Variants in GTF3C2 observed in about 807,000 individuals in gnomAD.
The protein encoded by GTF3C2 is general transcription factor 3C polypeptide 2.
A neutral mutation model predicts 117.4 loss-of-function variants in GTF3C2; 17 were observed. The observed-to-expected ratio is 0.14, with a 90% CI of 0.10 to 0.22. The LOEUF (loss-of-function observed/expected upper bound fraction) is 0.22. Ranked by LOEUF, GTF3C2 falls within the 10% of genes least tolerant of loss-of-function variation. The pLI, the probability that GTF3C2 is intolerant of heterozygous loss-of-function variation, is 1.00. For synonymous variants in GTF3C2, 437 were observed against 427.0 expected (o/e 1.02, Z -0.29); for missense variants, 888 against 1,143.6 (o/e 0.78, Z 3.22).
At chr2:27,333,393 G>C (rs1460393888) in intron 12 of GTF3C2, among the ~76,000 whole-genome samples, 1 of 151,978 alleles carries the variant, frequency 6.6e-6, no homozygotes, top group African/African-American at 2.4e-5. Context: ...GACCTCAAGA[G>C]ATCTGCCTGC....
exon 4 of GTF3C2, chr2:27,342,192 G>C (rs1680761763): frequency 1.2e-6 from 2 of 1,613,690 alleles, no homozygotes; most frequent in South Asian, 1.1e-5. Context: ...AGGCAGGGCT[G>C]TTGAGAGCTC....
chr2:27,339,312 C>T (rs1014157603), intron 4 of GTF3C2, among the ~76,000 whole-genome samples: 4 of 147,132 alleles, frequency 2.7e-5, no homozygotes, highest in South Asian at 2.2e-4. Context: ...GAGGCTGAGG[C>T]GGGAGCATTG....
intron 17 of GTF3C2, among the ~76,000 whole-genome samples, 153 bp downstream of exon 17, chr2:27,327,884 C>T (rs764443146): frequency 3.9e-5 from 6 of 152,188 alleles, no homozygotes; most frequent in African/African-American, 9.6e-5. Flanking sequence ...CCTAATCCCC[C>T]CAAACTGCTG....
At position 27,341,812 on chromosome 2, in the gene GTF3C2, A is replaced by C. The variant is rs1316458789; in HGVS notation, c.855+136T>G. 4 of 703,262 alleles carry C rather than the reference A, an allele frequency of 5.7e-6. No homozygotes were observed. In the African/African-American group the frequency reaches 7.1e-5, roughly 13 times the overall value. The allele number at this position is 703,262 out of a possible 1,614,324, so 43.6% of individuals were successfully genotyped here. A position where few individuals can be genotyped will look rare whatever the true frequency, so the allele number is the denominator to read the frequency against. On this transcript the variant is annotated intron_variant, in intron 4 of 18. Transcript: ENST00000264720. ...CTCCCTAATATGCCAAATGTTTTGG[A>C]AATGGACCCTTTTTTCTTTAACCTG...
exon 3 of GTF3C2, chr2:27,342,890 T>C: frequency 6.2e-7 from 1 of 1,614,122 alleles, no homozygotes; most frequent in East Asian, 2.2e-5. Context: ...GGGGGCCTCT[T>C]TGGAGATTGA....
At chr2:27,354,240 G>A (rs1681245081) in intron 1 of GTF3C2, among the ~76,000 whole-genome samples, 1 of 152,008 alleles carries the variant, frequency 6.6e-6, no homozygotes, top group African/African-American at 2.4e-5. Flanking sequence ...CTGTGATCAT[G>A]CCACTCGACT....
At chr2:27,338,836 C>T (rs1026520575) in intron 4 of GTF3C2, among the ~76,000 whole-genome samples, 1 of 151,482 alleles carries the variant, frequency 6.6e-6, no homozygotes, top group African/African-American at 2.4e-5. Context: ...CCACACCTGG[C>T]CTTCTTTAAA....
At chr2:27,346,782 A>T (rs1680932330) in intron 1 of GTF3C2, among the ~76,000 whole-genome samples, 1 of 151,868 alleles carries the variant, frequency 6.6e-6, no homozygotes, top group Admixed American at 6.6e-5. Flanking sequence ...GCAGCCACTA[A>T]CTCCTGGGTT....
At chr2:27,327,059 A>G (rs1680099804) in intron 18 of GTF3C2, 118 bp downstream of exon 18, 8 of 682,084 alleles carry the variant, frequency 1.2e-5, no homozygotes, top group Non-Finnish European at 2.0e-5. Flanking sequence ...TACGTCTGTC[A>G]TGCTCTGGAG....
At chr2:27,351,923 T>G (rs1228985427) in intron 1 of GTF3C2, among the ~76,000 whole-genome samples, 2 of 152,212 alleles carry the variant, frequency 1.3e-5, no homozygotes, top group Non-Finnish European at 2.9e-5. Flanking sequence ...AACATTCAGC[T>G]AAACCGCAGC....
At chr2:27,344,853 T>C (rs1201328847) in intron 1 of GTF3C2, among the ~76,000 whole-genome samples, 1 of 151,936 alleles carries the variant, frequency 6.6e-6, no homozygotes, top group Non-Finnish European at 1.5e-5. Flanking sequence ...GGCATGGTGG[T>C]GCGCACCTGT....
At chr2:27,347,185 T>C (rs1680947300) in intron 1 of GTF3C2, among the ~76,000 whole-genome samples, 1 of 152,208 alleles carries the variant, frequency 6.6e-6, no homozygotes, top group African/African-American at 2.4e-5. Flanking sequence ...CCTGCCTGTC[T>C]GTGACAAAGG....
At chr2:27,328,726 A>G (rs1680177564) in intron 15 of GTF3C2, 118 bp downstream of exon 15, 2 of 1,057,838 alleles carry the variant, frequency 1.9e-6, no homozygotes, top group Non-Finnish European at 2.9e-6. Flanking sequence ...CCCTGATGAT[A>G]GAGTTACAAC....
chr2:27,326,698 G>A lies in GTF3C2; in HGVS notation c.2713C>T (p.His905Tyr), dbSNP rs371595443. Residue 905 changes from histidine (H) to tyrosine (Y), a missense_variant, in exon 19 of 19, where the codon CAT becomes TAT. Transcript: ENST00000264720. Reference sequence around the variant, plus strand: ...GGCTAGGGAGTGGGCAGAAGGCGATGGCTGGTTGGAGAGAAGCCAGGCCGT... The same window carrying A: ...GGCTAGGGAGTGGGCAGAAGGCGATAGCTGGTTGGAGAGAAGCCAGGCCGT... 1.5e-5 allele frequency: 25 copies of A among 1,613,828 alleles called. No homozygotes were observed. The African/African-American group carries it at 1.9e-4, about 12-fold the overall frequency.
intron 1 of GTF3C2, among the ~76,000 whole-genome samples, chr2:27,353,059 T>C (rs1681190713): frequency 6.6e-6 from 1 of 152,190 alleles, no homozygotes; most frequent in Non-Finnish European, 1.5e-5. Flanking sequence ...TTTTTTAGAA[T>C]TGTTTTCACA....
In GTF3C2 at chr2:27,329,205, G is replaced by C. The variant is rs1468639174; in HGVS notation, c.1955C>G (p.Ser652Cys). 4 of 1,614,020 alleles carry C rather than the reference G, an allele frequency of 2.5e-6. No homozygotes were observed. The highest frequency in any genetic ancestry group is 2.2e-5 in the East Asian group (1 of 44,896). Residue 652 changes from serine to cysteine, a missense_variant, in exon 14 of 19, where the codon TCT becomes TGT. By Grantham distance (112) the Ser-to-Cys change is moderately radical. Transcript: ENST00000264720. This position sits in a 1 kb window ranked among gnomAD's most constrained non-coding sequence, Gnocchi z 4.5. ...TTCTGTACTCAAGAAGCGCTTGATA[G>C]AGTTTATGGGTTCGTAAGGACGTCG...
intron 11 of GTF3C2, 61 bp from the exon 12 acceptor site, chr2:27,333,845 C>A: frequency 6.5e-7 from 1 of 1,543,744 alleles, no homozygotes; most frequent in Admixed American, 1.7e-5. Context: ...GGAACGAAAG[C>A]TCAAATCAGT....
Position 27,342,812 on chromosome 2 carries a change from C to T in GTF3C2, c.569+14G>A. Reference sequence around the variant, plus strand: ...CCAACCCCCCTCCACCAAGCTATGCCCCACAATCCTTACACTTGGGCAGCC... The same window carrying T: ...CCAACCCCCCTCCACCAAGCTATGCTCCACAATCCTTACACTTGGGCAGCC... On this transcript the variant is annotated intron_variant, in intron 3 of 18. Coordinates refer to ENST00000264720, the Ensembl canonical transcript of GTF3C2. 1 of 1,604,378 alleles carries T rather than the reference C, an allele frequency of 6.2e-7. No individual in the cohort carries two copies. Among genetic ancestry groups the T allele is most frequent in the South Asian group, 1.1e-5 (1 of 90,364 alleles).
exon 3 of GTF3C2, chr2:27,342,884 G>A: frequency 6.2e-7 from 1 of 1,614,118 alleles, no homozygotes; most frequent in Non-Finnish European, 8.5e-7. Flanking sequence ...TCCTCAGGGG[G>A]CCTCTTTGGA....
Sources: gnomAD v4.1 joint callset for allele counts (sites outside exome capture counted in the v4.1 genomes callset) on GRCh38, gnomAD v4.1.1 for gene constraint, Gnocchi (gnomAD v3.1) non-coding constraint, MANE v1.5 for transcripts, NCBI Gene and HGNC (gene_info 2026-07-23, HGNC 2026-07-21) for gene names.